Variants in PACSIN2 observed in about 807,000 individuals in gnomAD.
PACSIN2 encodes protein kinase C and casein kinase substrate in neurons 2.
A neutral mutation model predicts 63.8 loss-of-function variants in PACSIN2; 25 were observed. The observed-to-expected ratio is 0.39, with a 90% confidence interval of 0.29 to 0.55. PACSIN2 has a LOEUF of 0.55. Ranked by LOEUF, PACSIN2 falls within the 20% of genes least tolerant of loss-of-function variation. The probability of loss-of-function intolerance (pLI) is 0.62; values close to 1 mark genes in which losing one functional copy is unlikely to be tolerated. For synonymous variants in PACSIN2, 255 were observed against 256.2 expected, an observed-to-expected ratio of 1.00 and a Z score of 0.05; for missense variants, 518 against 646.9, an observed-to-expected ratio of 0.80 and a Z score of 2.16.
In PACSIN2 at chr22:42,910,550, C is replaced by A. The variant is rs1931382781; in HGVS notation, c.60+1471G>T. Among the ~76,000 whole-genome samples the A allele has an allele frequency of 2.0e-5, 3 of 152,224 alleles. No individual in the cohort carries two copies. The South Asian group carries it at 6.2e-4, about 32-fold the overall frequency. On this transcript the variant is annotated intron_variant, in intron 2 of 10. Coordinates refer to ENST00000263246, the MANE Select transcript of PACSIN2 (RefSeq NM_001184970.3). Reference sequence around the variant, plus strand: ...TTCTAGCACTATTCCAGGGGCACCTCCAAACCACGTCGTGTAACTGCTGGT... The same window carrying A: ...TTCTAGCACTATTCCAGGGGCACCTACAAACCACGTCGTGTAACTGCTGGT...
At chr22:42,906,362 G>A (rs1374294387) in intron 2 of PACSIN2, among the ~76,000 whole-genome samples, 1 of 152,248 alleles carries the variant, frequency 6.6e-6, no homozygotes, top group East Asian at 1.9e-4. Context: ...CAATGTTGAC[G>A]TCTGTTTTCA....
chr22:42,969,068 T>TCCATCCAC lies in PACSIN2; in HGVS notation c.-78+45952_-78+45953insGTGGATGG, dbSNP rs1425413218. ...CTCCATCCATCCATCCATCCATCCA[T>TCCATCCAC]CCACCCTATTGGCTCTGACTAATAC... On this transcript the variant is annotated intron_variant, in intron 1 of 10. Coordinates refer to ENST00000263246, the MANE Select transcript of PACSIN2 (RefSeq NM_001184970.3). Among the ~76,000 whole-genome samples, 28 of 152,078 alleles carry TCCATCCAC rather than the reference T, an allele frequency of 1.8e-4. 1 individual carries two copies. The highest frequency in any genetic ancestry group is 1.4e-3 in the Admixed American group (21 of 15,262).
At chr22:42,947,602 C>T (rs5759053) in intron 1 of PACSIN2, among the ~76,000 whole-genome samples, 34,322 of 150,396 alleles carry the variant, frequency 0.23, 4,902 homozygotes, top group Non-Finnish European at 0.31. Flanking sequence ...CCAAAGAACA[C>T]GCTAGCCTGG....
chr22:42,986,695 AG>A (rs1399125863), intron 1 of PACSIN2, among the ~76,000 whole-genome samples: 1 of 152,118 alleles, frequency 6.6e-6, no homozygotes, highest in Non-Finnish European at 1.5e-5. Flanking sequence ...GACCACTGAG[AG>A]GGGGCTTTTG....
chr22:42,948,604 T>G (rs993215350), intron 1 of PACSIN2, among the ~76,000 whole-genome samples: 3 of 152,180 alleles, frequency 2.0e-5, no homozygotes, highest in Non-Finnish European at 4.4e-5. Flanking sequence ...TGCCTGTGAG[T>G]AGCCACTGTA....
At chr22:42,879,583 C>T (rs1336580051) in intron 7 of PACSIN2, among the ~76,000 whole-genome samples, 1 of 152,228 alleles carries the variant, frequency 6.6e-6, no homozygotes, top group Non-Finnish European at 1.5e-5. Flanking sequence ...CCCCAGATGT[C>T]TGCTGAGCCT....
At chr22:42,938,850 G>A (rs576481786) in intron 1 of PACSIN2, among the ~76,000 whole-genome samples, 100 of 152,276 alleles carry the variant, frequency 6.6e-4, no homozygotes, top group African/African-American at 2.3e-3. Flanking sequence ...GGATCCCGAG[G>A]TGGAGAAGGT....
At chr22:42,977,772 C>T (rs1019570324) in intron 1 of PACSIN2, among the ~76,000 whole-genome samples, 1 of 152,130 alleles carries the variant, frequency 6.6e-6, no homozygotes, top group Non-Finnish European at 1.5e-5. Context: ...GCACTTCCCC[C>T]CTCACGCTCT....
chr22:43,002,949 G>GA (rs1464171981), intron 1 of PACSIN2, among the ~76,000 whole-genome samples: 1 of 152,150 alleles, frequency 6.6e-6, no homozygotes, highest in Non-Finnish European at 1.5e-5. Flanking sequence ...TATTGAAAAG[G>GA]AAACAGCGAG....
At chr22:42,969,873 A>T (rs1484912608) in intron 1 of PACSIN2, among the ~76,000 whole-genome samples, 3 of 151,666 alleles carry the variant, frequency 2.0e-5, no homozygotes, top group African/African-American at 7.3e-5. Flanking sequence ...ACTGCACTCT[A>T]GCCTGAGTGA....
intron 2 of PACSIN2, among the ~76,000 whole-genome samples, chr22:42,897,609 A>G (rs1030575164): frequency 6.6e-6 from 1 of 152,244 alleles, no homozygotes; most frequent in Admixed American, 6.5e-5. Flanking sequence ...GCTACCAAAG[A>G]CAAATGCTCA....
chr22:42,917,710 T>C (rs1029350922), intron 1 of PACSIN2, among the ~76,000 whole-genome samples: 4 of 152,216 alleles, frequency 2.6e-5, no homozygotes, highest in Admixed American at 2.6e-4. Flanking sequence ...AGGCACAGTC[T>C]GTCGATCTTG....
At chr22:43,001,812 G>A (rs557015876) in intron 1 of PACSIN2, among the ~76,000 whole-genome samples, 24 of 152,306 alleles carry the variant, frequency 1.6e-4, no homozygotes, top group Admixed American at 7.2e-4. Flanking sequence ...TGGAGGCATC[G>A]CAGGAATTCT....
chr22:42,958,675 C>T (rs997419550), intron 1 of PACSIN2, among the ~76,000 whole-genome samples: 1 of 152,148 alleles, frequency 6.6e-6, no homozygotes, highest in Non-Finnish European at 1.5e-5. Flanking sequence ...TTTCTAGAAA[C>T]CTTTCCTATG....
intron 1 of PACSIN2, among the ~76,000 whole-genome samples, chr22:42,999,610 G>A (rs1004957711): frequency 6.6e-6 from 1 of 152,142 alleles, no homozygotes; most frequent in South Asian, 2.1e-4. Context: ...GGAGGTTGCC[G>A]TGAGACAAGA....
At chr22:42,932,859 C>A (rs1184545491) in intron 1 of PACSIN2, among the ~76,000 whole-genome samples, 4 of 152,096 alleles carry the variant, frequency 2.6e-5, no homozygotes, top group Non-Finnish European at 5.9e-5. Flanking sequence ...CCCCAGGACA[C>A]CCCCCTGTCC....
intron 1 of PACSIN2, among the ~76,000 whole-genome samples, chr22:42,961,592 T>C (rs1934137896): frequency 6.6e-6 from 1 of 151,922 alleles, no homozygotes; most frequent in African/African-American, 2.4e-5. Flanking sequence ...GCCAATATGG[T>C]GAAACCTCAT....
In PACSIN2 at chr22:42,890,997, C is replaced by CAG; in HGVS notation, c.401_402dup (p.Glu135LeufsTer16). ...TTCTGTGCCTTCCGAAAGCCGTCCTCAGCTTCCTTGGTCTCCTTGAAGCCG... is the reference window on the plus strand; with the variant it reads ...TTCTGTGCCTTCCGAAAGCCGTCCTCAGAGCTTCCTTGGTCTCCTTGAAGCCG... On this transcript the variant is annotated frameshift_variant, in exon 4 of 11. Coordinates refer to ENST00000263246, the MANE Select transcript of PACSIN2 (RefSeq NM_001184970.3). LOFTEE classifies it high-confidence loss of function. 6.2e-7 allele frequency: 1 copy of CAG among 1,614,196 alleles called. No homozygotes were observed. The highest frequency in any genetic ancestry group is 8.5e-7 in the Non-Finnish European group (1 of 1,180,042).
intron 1 of PACSIN2, among the ~76,000 whole-genome samples, chr22:42,930,950 G>C (rs534298896): frequency 2.0e-5 from 3 of 152,356 alleles, no homozygotes; most frequent in Non-Finnish European, 2.9e-5. Context: ...GGTGAGTCAC[G>C]TGTGCGTGAC....
Sources: allele counts gnomAD v4.1 joint callset (sites outside exome capture counted in the v4.1 genomes callset), GRCh38; gene constraint gnomAD v4.1.1; transcripts MANE v1.5; gene names NCBI Gene and HGNC (gene_info 2026-07-23, HGNC 2026-07-21).